Variants in DOCK7 observed in about 807,000 individuals in gnomAD.
The protein encoded by DOCK7 is dedicator of cytokinesis 7.
In DOCK7, 138 loss-of-function variants were observed where a neutral mutation model predicts 271.0. The observed-to-expected ratio is 0.51, with a 90% confidence interval of 0.44 to 0.59. The LOEUF (loss-of-function observed/expected upper bound fraction) is 0.59, where lower values mean the gene tolerates loss of function less well. Among genes scored for constraint, DOCK7 ranks in the 20% least tolerant of loss-of-function variants. The probability of loss-of-function intolerance (pLI) is 0.00; values close to 1 mark genes in which losing one functional copy is unlikely to be tolerated. For synonymous variants in DOCK7, 823 were observed against 876.1 expected, an observed-to-expected ratio of 0.94 and a Z score of 1.07; for missense variants, 2,066 against 2,592.4, an observed-to-expected ratio of 0.80 and a Z score of 4.41.
At chr1:62,492,944 G>A in intron 40 of DOCK7, 97 bp from the exon 41 acceptor site, 3 of 1,026,932 alleles carry the variant, frequency 2.9e-6, no homozygotes, top group Non-Finnish European at 4.2e-6. Context: ...TAACTATCAG[G>A]TTAGGTTAAA....
At chr1:62,602,215 C>CA (rs1452111619) in intron 14 of DOCK7, 1 of 1,261,198 alleles carries the variant, frequency 7.9e-7, no homozygotes, top group Non-Finnish European at 1.1e-6. Flanking sequence ...ATCAAACAAA[C>CA]AAAAAAGTGT....
chr1:62,585,303 T>C (rs1398508868), intron 15 of DOCK7, among the ~76,000 whole-genome samples: 1 of 152,100 alleles, frequency 6.6e-6, no homozygotes, highest in African/African-American at 2.4e-5. Context: ...TCCCAGTATG[T>C]GGAAAATCAG....
At chr1:62,505,607 A>C in intron 36 of DOCK7, 75 bp downstream of exon 36, 1 of 1,436,374 alleles carries the variant, frequency 7.0e-7, no homozygotes, top group Non-Finnish European at 9.4e-7. Context: ...TAACCAATGA[A>C]TGTGTCAAAT....
chr1:62,620,356 T>C (rs1653021232), intron 12 of DOCK7, among the ~76,000 whole-genome samples: 1 of 151,352 alleles, frequency 6.6e-6, no homozygotes, highest in Non-Finnish European at 1.5e-5. Context: ...GATATATATA[T>C]GATGAAAAAT....
intron 36 of DOCK7, among the ~76,000 whole-genome samples, chr1:62,505,026 A>G (rs1646899625): frequency 6.6e-6 from 1 of 152,224 alleles, no homozygotes; most frequent in Non-Finnish European, 1.5e-5. Context: ...AATAGGCCTA[A>G]TAATATATCT....
chr1:62,631,593 T>C (rs1224697618), intron 10 of DOCK7, among the ~76,000 whole-genome samples, 188 bp from the exon 11 acceptor site: 1 of 152,220 alleles, frequency 6.6e-6, no homozygotes, highest in Non-Finnish European at 1.5e-5. Flanking sequence ...CAACACATTC[T>C]ACAAATGTAC....
At chr1:62,570,687 G>C (rs910269499) in intron 18 of DOCK7, among the ~76,000 whole-genome samples, 2 of 152,094 alleles carry the variant, frequency 1.3e-5, no homozygotes, top group African/African-American at 4.8e-5. Context: ...AAAACAGCAT[G>C]GTGCTAGTAC....
intron 4 of DOCK7, among the ~76,000 whole-genome samples, chr1:62,650,334 A>C (rs1314328867): frequency 6.7e-6 from 1 of 150,262 alleles, no homozygotes; most frequent in Non-Finnish European, 1.5e-5. Context: ...TACATATAAG[A>C]CTCTCAATAA....
intron 1 of DOCK7, among the ~76,000 whole-genome samples, chr1:62,665,050 G>A (rs1284092187): frequency 6.6e-6 from 1 of 152,124 alleles, no homozygotes; most frequent in Non-Finnish European, 1.5e-5. Flanking sequence ...GCAGTGGCGC[G>A]ATCTCGGCTC....
intron 49 of DOCK7, 116 bp from the exon 50 acceptor site, chr1:62,455,572 A>C (rs1467381200): frequency 8.6e-6 from 8 of 930,146 alleles, no homozygotes; most frequent in Admixed American, 2.0e-5. Context: ...ACCATTTCTT[A>C]CTAACTTCCA....
intron 31 of DOCK7, among the ~76,000 whole-genome samples, chr1:62,520,110 T>C (rs540821965): frequency 1.6e-4 from 25 of 152,192 alleles, no homozygotes; most frequent in Non-Finnish European, 3.1e-4. Flanking sequence ...TCGAGATGGA[T>C]TGAAGACTTA....
chr1:62,514,134 A>G (rs1644587900), intron 31 of DOCK7, among the ~76,000 whole-genome samples: 1 of 152,198 alleles, frequency 6.6e-6, no homozygotes, highest in African/African-American at 2.4e-5. Context: ...AATCTACTGC[A>G]TGACTGCCAG....
At position 62,625,337 on chromosome 1, in the gene DOCK7, C is replaced by G. The variant is rs1268769835; in HGVS notation, c.1347G>C (p.Arg449Ser). Residue 449 changes from arginine (R) to serine (S), a missense_variant, in exon 12 of 50, where the codon AGG (arginine) becomes AGC (serine). Around this residue, in one of 2 missense-constraint regions of DOCK7, gnomAD observed 1,414 missense variants for 1,670.4 expected, o/e 0.85. Coordinates refer to ENST00000635253, the MANE Select transcript of DOCK7 (RefSeq NM_001367561.1). ...TACAAGCATCATCTCCACTTGTTGT[C>G]CTTTCAAGTGATCGTCTGCCAACAA... is the stretch of plus-strand genomic sequence containing the variant. ...SSIVGRRSLE[R>S]TTSGDDACNL... The G allele has an allele frequency of 1.9e-6, 3 of 1,613,630 alleles. No individual in the cohort carries two copies. Among genetic ancestry groups the G allele is most frequent in the Non-Finnish European group, 2.5e-6 (3 of 1,179,696 alleles).
At position 62,513,890 on chromosome 1, in the gene DOCK7, C is replaced by T. The variant is rs776182873; in HGVS notation, c.3945G>A (p.Arg1315=). 38 of 1,610,940 alleles carry T rather than the reference C, an allele frequency of 2.4e-5. No individual in the cohort carries two copies. The highest frequency in any genetic ancestry group is 3.1e-5 in the Non-Finnish European group (37 of 1,178,986). The change falls in exon 32 of 50, where the codon AGG becomes AGA. Residue 1315 remains arginine, a synonymous_variant. Coordinates refer to ENST00000635253, the MANE Select transcript of DOCK7 (RefSeq NM_001367561.1). Reference sequence around the variant, plus strand: ...ATTCTGCTGAAAAGGTAGTGTGTTGCCTGCCACTCTGAAAATAAAGAGCAG... The same window carrying T: ...ATTCTGCTGAAAAGGTAGTGTGTTGTCTGCCACTCTGAAAATAAAGAGCAG... The part of the protein sequence containing the change: ...GSFLLTSTSG[R]QHTTFSAESS...
chr1:62,475,671 G>T, intron 46 of DOCK7, 36 bp downstream of exon 46: 1 of 1,563,926 alleles, frequency 6.4e-7, no homozygotes, highest in Non-Finnish European at 8.8e-7. Context: ...GAATGTATTT[G>T]CTTCACTAAT....
At position 62,489,139 on chromosome 1, in the gene DOCK7, G is replaced by A. The variant is rs1646383832; in HGVS notation, c.5362-74C>T. The A allele has an allele frequency of 8.0e-6, 11 of 1,368,906 alleles. 1 individual carries two copies. The highest frequency in any genetic ancestry group is 4.4e-5 in the South Asian group (3 of 68,048). The allele number at this position is 1,368,906 out of a possible 1,614,324, so 84.8% of individuals were successfully genotyped here. A position where few individuals can be genotyped will look rare whatever the true frequency, so the allele number is the denominator to read the frequency against. ...GAAAGAAAAGTAATTATATGAATTCGCAATATTTCTATTAAGATAATACAC... is the reference window on the plus strand; with the variant it reads ...GAAAGAAAAGTAATTATATGAATTCACAATATTTCTATTAAGATAATACAC... On this transcript the variant is annotated intron_variant, in intron 41 of 49. Coordinates refer to ENST00000635253, the MANE Select transcript of DOCK7 (RefSeq NM_001367561.1).
At chr1:62,639,058 CT>C (rs1040928078) in intron 7 of DOCK7, among the ~76,000 whole-genome samples, 2 of 152,120 alleles carry the variant, frequency 1.3e-5, no homozygotes, top group African/African-American at 4.8e-5. Context: ...TTTTCTAGCT[CT>C]TTCCTCTACT....
intron 1 of DOCK7, among the ~76,000 whole-genome samples, chr1:62,670,833 C>A (rs1659904377): frequency 6.6e-6 from 1 of 152,156 alleles, no homozygotes; most frequent in East Asian, 1.9e-4. Context: ...CTGCCCGAGC[C>A]AGCATTGGCA....
At chr1:62,492,492 TC>T (rs1353102501) in intron 41 of DOCK7, 43 of 509,408 alleles carry the variant, frequency 8.4e-5, no homozygotes, top group Non-Finnish European at 1.3e-4. Context: ...CTCACTATGT[TC>T]CCCATGCTGG....
Sources: gnomAD v4.1 joint callset for allele counts (sites outside exome capture counted in the v4.1 genomes callset) on GRCh38, gnomAD v4.1.1 for gene constraint, gnomAD v4.1.1 regional missense constraint, MANE v1.5 for transcripts, NCBI Gene and HGNC (gene_info 2026-07-23, HGNC 2026-07-21) for gene names.